Variants in PCDHA9 observed in about 807,000 individuals in gnomAD.
PCDHA9 encodes protocadherin alpha 9, also known as protocadherin alpha-9.
A neutral mutation model predicts 62.0 loss-of-function variants in PCDHA9; 62 were observed. The observed-to-expected ratio is 1.00, with a 90% confidence interval of 0.81 to 1.23. PCDHA9 has a LOEUF of 1.23. Among genes scored for constraint, PCDHA9 ranks in the 50% most tolerant of loss-of-function variants. The probability of loss-of-function intolerance (pLI) is 0.00; values close to 1 mark genes in which losing one functional copy is unlikely to be tolerated. For synonymous variants in PCDHA9, 557 were observed against 567.6 expected (o/e 0.98, Z 0.27); for missense variants, 1,205 against 1,249.8 (o/e 0.96, Z 0.54).
At chr5:140,856,842 C>T (rs782696740) in intron 1 of PCDHA9, 1 of 1,592,718 alleles carries the variant, frequency 6.3e-7, no homozygotes, top group South Asian at 1.1e-5. Context: ...CGGCTCAACG[C>T]TTCTGATTCG....
chr5:140,881,300 T>C, intron 1 of PCDHA9: 3 of 957,608 alleles, frequency 3.1e-6, no homozygotes, highest in Non-Finnish European at 3.7e-6. Flanking sequence ...ATGGAAACTT[T>C]AACCTCCTGG....
intron 3 of PCDHA9, among the ~76,000 whole-genome samples, chr5:141,007,447 A>T (rs2153992021): frequency 6.6e-6 from 1 of 151,258 alleles, no homozygotes; most frequent in South Asian, 2.1e-4. Flanking sequence ...ATGTGCCTGT[A>T]GTCCCAGCTA....
At chr5:140,856,729 G>A (rs1554149028) in intron 1 of PCDHA9, 1 of 1,595,444 alleles carries the variant, frequency 6.3e-7, no homozygotes, top group African/African-American at 1.3e-5. Flanking sequence ...CTGTTTCTCT[G>A]CTGATCCTGG....
intron 1 of PCDHA9, chr5:140,860,193 A>T (rs1054138940): frequency 6.9e-6 from 1 of 145,758 alleles, no homozygotes; most frequent in Non-Finnish European, 1.5e-5. Context: ...CTCTCCTTAC[A>T]TATATATCTA....
intron 1 of PCDHA9, chr5:140,882,788 C>G: frequency 6.2e-7 from 1 of 1,614,216 alleles, no homozygotes; most frequent in Non-Finnish European, 8.5e-7. Flanking sequence ...CCGACTGGAT[C>G]CCAACGATTA....
intron 1 of PCDHA9, among the ~76,000 whole-genome samples, chr5:140,941,259 T>TTCTTTC (rs1554214225): frequency 1.2e-3 from 146 of 121,812 alleles, no homozygotes; most frequent in African/African-American, 3.7e-3. Flanking sequence ...TTCTTTCTCT[T>TTCTTTC]TCTTTCTTTC....
chr5:140,952,101 A>G (rs1451958490), intron 1 of PCDHA9, among the ~76,000 whole-genome samples: 1 of 151,950 alleles, frequency 6.6e-6, no homozygotes, highest in African/African-American at 2.4e-5. Flanking sequence ...TCCAGGGCAC[A>G]CTCGTGTGAG....
rs1581309045 is a variant in PCDHA9, at chr5:140,853,255, T to G, written c.2394+2366T>G. On this transcript the variant is annotated intron_variant, in intron 1 of 3. Transcript: ENST00000532602. Reference sequence around the variant, plus strand: ...GTCCTTCATATTAATCTCTATTCTCTCTCAGAGTACAAGCTCTCATCATAT... The same window carrying G: ...GTCCTTCATATTAATCTCTATTCTCGCTCAGAGTACAAGCTCTCATCATAT... 7 of 974,424 alleles carry G rather than the reference T, an allele frequency of 7.2e-6. 1 individual carries two copies. Among genetic ancestry groups the G allele is most frequent in the Non-Finnish European group, 8.7e-6 (7 of 807,532 alleles). The allele number at this position is 974,424 out of a possible 1,614,324, so 60.4% of individuals were successfully genotyped here. A position where few individuals can be genotyped will look rare whatever the true frequency, so the allele number is the denominator to read the frequency against.
intron 1 of PCDHA9, among the ~76,000 whole-genome samples, chr5:140,964,622 T>C (rs1435749865): frequency 2.0e-5 from 3 of 152,048 alleles, no homozygotes; most frequent in Non-Finnish European, 4.4e-5. Flanking sequence ...ATTCCACTTA[T>C]AAGCCATTTA....
Position 140,983,978 on chromosome 5 carries a change from G to A in PCDHA9, c.2542+1415G>A, listed in dbSNP as rs529150173. Among the ~76,000 whole-genome samples the A allele has an allele frequency of 5.3e-5, 8 of 152,266 alleles. No individual in the cohort carries two copies. The South Asian group carries it at 1.5e-3, about 28-fold the overall frequency. Reference sequence around the variant, plus strand: ...AGTCACATTTGTCCAAAAAATATACGAGTTGAAGCAATTCATTAGAGAGCT... The same window carrying A: ...AGTCACATTTGTCCAAAAAATATACAAGTTGAAGCAATTCATTAGAGAGCT... On this transcript the variant is annotated intron_variant, in intron 3 of 3. Transcript: ENST00000532602.
chr5:140,988,062 A>G (rs1032842011), intron 3 of PCDHA9, among the ~76,000 whole-genome samples: 1 of 152,114 alleles, frequency 6.6e-6, no homozygotes, highest in Non-Finnish European at 1.5e-5. Context: ...GTCAACATGA[A>G]TTTTTCTATT....
chr5:140,924,436 A>T (rs2153572390), intron 1 of PCDHA9, among the ~76,000 whole-genome samples: 1 of 152,318 alleles, frequency 6.6e-6, no homozygotes, highest in East Asian at 1.9e-4. Context: ...CCTAGAAGAG[A>T]TAACGAATGG....
At chr5:140,869,145 A>G (rs1013407350) in intron 1 of PCDHA9, 58 of 1,613,508 alleles carry the variant, frequency 3.6e-5, no homozygotes, top group Non-Finnish European at 4.7e-5. Context: ...CCCCACGACT[A>G]CAGCTCTGGC....
chr5:140,882,111 C>A, intron 1 of PCDHA9: 1 of 1,379,348 alleles, frequency 7.2e-7, no homozygotes, highest in Non-Finnish European at 9.8e-7. Context: ...GCGAAGAAAG[C>A]CGCCGTTTCT....
chr5:140,941,506 G>T (rs556309408), intron 1 of PCDHA9, among the ~76,000 whole-genome samples: 1 of 151,236 alleles, frequency 6.6e-6, no homozygotes, highest in South Asian at 2.1e-4. Flanking sequence ...TAGTAGAGAC[G>T]AGGTTTCACC....
At chr5:140,875,735 C>T in intron 1 of PCDHA9, 1 of 1,614,232 alleles carries the variant, frequency 6.2e-7, no homozygotes. Context: ...TTTGTGAATT[C>T]TCGGATCGAC....
Position 140,871,165 on chromosome 5 carries a change from C to A in PCDHA9, c.2394+20276C>A, listed in dbSNP as rs1044550712. 1.4e-5 allele frequency: 22 copies of A among 1,613,372 alleles called. No individual in the cohort carries two copies. Among genetic ancestry groups the A allele is most frequent in the Non-Finnish European group, 1.7e-5 (20 of 1,179,938 alleles). On this transcript the variant is annotated intron_variant, in intron 1 of 3. Transcript: ENST00000532602. ...CCGGACTTTGGCGGGCGCCGCGAGCCCAGAGGCTGCGCTGGTGGATGTCAA... is the reference window on the plus strand; with the variant it reads ...CCGGACTTTGGCGGGCGCCGCGAGCACAGAGGCTGCGCTGGTGGATGTCAA...
At chr5:140,942,545 G>C (rs981508818) in intron 1 of PCDHA9, among the ~76,000 whole-genome samples, 4 of 151,970 alleles carry the variant, frequency 2.6e-5, no homozygotes, top group African/African-American at 9.7e-5. Context: ...ATGGTGGGGG[G>C]TAGGGGGTTG....
chr5:140,863,171 C>T (rs782749533), intron 1 of PCDHA9: 11 of 696,670 alleles, frequency 1.6e-5, no homozygotes, highest in Non-Finnish European at 2.8e-5. Flanking sequence ...CTGGCGCTGA[C>T]TGCCACCGTC....
Sources: gnomAD v4.1 joint callset for allele counts (sites outside exome capture counted in the v4.1 genomes callset) on GRCh38, gnomAD v4.1.1 for gene constraint, MANE v1.5 for transcripts, NCBI Gene and HGNC (gene_info 2026-07-23, HGNC 2026-07-21) for gene names.